MAP7: variants seen among roughly 807,000 people sequenced by gnomAD.
The protein encoded by MAP7 is microtubule associated protein 7.
Under a neutral mutation model 94.8 loss-of-function variants are expected in MAP7, and 52 were observed. The observed-to-expected ratio is 0.55, with a 90% CI of 0.44 to 0.69. The LOEUF is 0.69. Ranked by LOEUF, MAP7 falls within the 30% of genes least tolerant of loss-of-function variation. The probability of loss-of-function intolerance (pLI) is 0.00; values close to 1 mark genes in which losing one functional copy is unlikely to be tolerated. For synonymous variants in MAP7, 350 were observed against 357.0 expected (o/e 0.98, Z 0.22); for missense variants, 940 against 964.6 (o/e 0.97, Z 0.34).
chr6:136,373,664 A>G (rs1238931023), intron 7 of MAP7, among the ~76,000 whole-genome samples: 3 of 152,242 alleles, frequency 2.0e-5, no homozygotes, highest in Non-Finnish European at 2.9e-5. Flanking sequence ...AAATAAGACA[A>G]TTAAACACAA....
intron 15 of MAP7, among the ~76,000 whole-genome samples, chr6:136,357,549 C>A (rs1791377948): frequency 1.3e-5 from 2 of 152,166 alleles, no homozygotes; most frequent in African/African-American, 4.8e-5. Flanking sequence ...GGCTGCAGTG[C>A]AGTGGTGTGA....
At chr6:136,526,054 C>T in intron 1 of MAP7, 1 of 1,442,204 alleles carries the variant, frequency 6.9e-7, no homozygotes, top group South Asian at 1.5e-5. Context: ...GCTGCTAGTT[C>T]CTAAGCTGCC....
intron 1 of MAP7, among the ~76,000 whole-genome samples, chr6:136,539,612 C>G (rs565010829): frequency 2.6e-5 from 4 of 152,136 alleles, no homozygotes; most frequent in Non-Finnish European, 5.9e-5. Context: ...CAAAGGTAAG[C>G]CCTCCCAGAA....
intron 1 of MAP7, among the ~76,000 whole-genome samples, chr6:136,520,858 C>G (rs1288911714): frequency 6.6e-6 from 1 of 152,132 alleles, no homozygotes; most frequent in Admixed American, 6.5e-5. Context: ...TTTGGTGCTG[C>G]CGGAGCACAA....
chr6:136,400,378 T>G (rs1783725989), intron 3 of MAP7, among the ~76,000 whole-genome samples: 1 of 147,092 alleles, frequency 6.8e-6, no homozygotes, highest in Admixed American at 6.9e-5. Context: ...ATTGCGCTAC[T>G]GCACTCCAGC....
At chr6:136,452,245 G>C (rs1023688831) in intron 1 of MAP7, among the ~76,000 whole-genome samples, 1 of 113,100 alleles carries the variant, frequency 8.8e-6, no homozygotes, top group Admixed American at 8.8e-5. Context: ...AACAAAACTT[G>C]AATGGATGAG....
intron 1 of MAP7, among the ~76,000 whole-genome samples, chr6:136,426,437 C>T (rs1793162236): frequency 6.6e-6 from 1 of 152,196 alleles, no homozygotes; most frequent in African/African-American, 2.4e-5. Context: ...TGTGCACATA[C>T]ATGAAATTGC....
In MAP7 at chr6:136,359,836, A is replaced by C. The variant is rs774733571; in HGVS notation, c.1896T>G (p.Ala632=). The change falls in exon 15 of 18, where the codon GCT becomes GCG. Residue 632 remains alanine (A), a synonymous_variant. Transcript: ENST00000354570. ...DQRNGDIAKG[A]LTGGTEVSAL... ...CAGAAATACCTGTTCCTCCAGTGAG[A>C]GCTCCCTTGGCTATATCACCGTTTC... 2.5e-6 allele frequency: 4 copies of C among 1,612,834 alleles called. No homozygotes were observed. The African/African-American group carries it at 4.0e-5, about 16-fold the overall frequency.
intron 1 of MAP7, among the ~76,000 whole-genome samples, chr6:136,478,255 C>T (rs1399754696): frequency 6.6e-6 from 1 of 151,974 alleles, no homozygotes; most frequent in Non-Finnish European, 1.5e-5. Flanking sequence ...AAACCAAACA[C>T]AAGATTAATA....
intron 2 of MAP7, among the ~76,000 whole-genome samples, chr6:136,414,847 T>A (rs1562374146): frequency 6.8e-6 from 1 of 147,394 alleles, no homozygotes; most frequent in Non-Finnish European, 1.5e-5. Flanking sequence ...GTTTCCTTGC[T>A]CTTGCTGCCC....
intron 1 of MAP7, among the ~76,000 whole-genome samples, chr6:136,527,702 A>AT (rs1220282212): frequency 7.9e-5 from 12 of 152,228 alleles, no homozygotes; most frequent in African/African-American, 2.9e-4. Flanking sequence ...TAACTAGTCC[A>AT]TTTTTTGCTT....
At chr6:136,389,665 C>A in intron 3 of MAP7, 148 bp from the exon 4 acceptor site, 1 of 649,994 alleles carries the variant, frequency 1.5e-6, no homozygotes, top group Non-Finnish European at 2.6e-6. Flanking sequence ...CCTTTGCTTC[C>A]CTCAAATTTC....
At chr6:136,419,873 T>C in intron 2 of MAP7, 1 of 468,544 alleles carries the variant, frequency 2.1e-6, no homozygotes, top group Admixed American at 2.7e-5. Flanking sequence ...ATTAAAGCTG[T>C]GTGTCAAGAC....
intron 1 of MAP7, among the ~76,000 whole-genome samples, chr6:136,514,629 T>C (rs1824284106): frequency 6.6e-6 from 1 of 151,618 alleles, no homozygotes; most frequent in Non-Finnish European, 1.5e-5. Context: ...TAACCTCTTT[T>C]GTCCATCTCC....
At chr6:136,495,998 T>A (rs183148502) in intron 1 of MAP7, among the ~76,000 whole-genome samples, 1 of 152,264 alleles carries the variant, frequency 6.6e-6, no homozygotes, top group East Asian at 1.9e-4. Context: ...TGTGGAACAA[T>A]TAAAATAATA....
rs779829090 is a variant in MAP7 at position 136,362,588 on chromosome 6, G to A, written c.1388C>T (p.Ala463Val). 16 of 1,614,080 alleles carry A rather than the reference G, an allele frequency of 9.9e-6. No homozygotes were observed. Among genetic ancestry groups the A allele is most frequent in the Non-Finnish European group, 1.3e-5 (15 of 1,180,022 alleles). Residue 463 changes from alanine to valine, a missense_variant, in exon 11 of 18, where the codon GCC (alanine) becomes GTC (valine). Transcript: ENST00000354570. Reference protein sequence around the residue: ...MVSAPSSTVNASASVKTSAGT... With the variant: ...MVSAPSSTVNVSASVKTSAGT... The stretch of plus-strand genomic sequence containing the variant: ...TGCAGAAGTCTTAACAGAAGCACTG[G>A]CATTCACAGTGGATGACGGGGCTGA...
chr6:136,495,462 A>G (rs1281716685), intron 1 of MAP7, among the ~76,000 whole-genome samples: 1 of 151,776 alleles, frequency 6.6e-6, no homozygotes, highest in Admixed American at 6.6e-5. Context: ...ATACACACAC[A>G]CACACACACA....
chr6:136,412,615 C>G (rs549602038), intron 2 of MAP7, among the ~76,000 whole-genome samples: 46 of 152,116 alleles, frequency 3.0e-4, no homozygotes, highest in African/African-American at 1.1e-3. Flanking sequence ...GTTGCAAGTA[C>G]CCAATGTGTT....
At chr6:136,532,678 G>C (rs1339303859) in intron 1 of MAP7, among the ~76,000 whole-genome samples, 2 of 150,960 alleles carry the variant, frequency 1.3e-5, no homozygotes, top group Non-Finnish European at 2.9e-5. Flanking sequence ...TCCATGACTT[G>C]ATGCAAATGG....
Sources: allele counts gnomAD v4.1 joint callset (sites outside exome capture counted in the v4.1 genomes callset), GRCh38; gene constraint gnomAD v4.1.1; transcripts MANE v1.5; gene names NCBI Gene and HGNC (gene_info 2026-07-23, HGNC 2026-07-21).